TJP2: variants seen among roughly 807,000 people sequenced by gnomAD.
TJP2 encodes the protein tight junction protein 2, also known as Friedreich ataxia region gene X104 (tight junction protein ZO-2).
TJP2 carries 91 observed loss-of-function variants against 133.1 expected under a neutral mutation model. That is an observed-to-expected ratio of 0.68 (90% confidence interval 0.58 to 0.81). TJP2 has a LOEUF of 0.81. Ranked by LOEUF, TJP2 falls within the 40% of genes least tolerant of loss-of-function variation. TJP2 has a pLI of 0.00. For missense variants in TJP2, 1,541 were observed against 1,565.6 expected, an observed-to-expected ratio of 0.98 and a Z score of 0.26; for synonymous variants, 592 against 583.4, an observed-to-expected ratio of 1.01 and a Z score of -0.21.
intron 2 of TJP2, among the ~76,000 whole-genome samples, chr9:69,162,583 T>C (rs766426097): frequency 6.6e-6 from 1 of 152,244 alleles, no homozygotes; most frequent in Non-Finnish European, 1.5e-5. Flanking sequence ...TTATGGTATA[T>C]TCATACAAAT....
chr9:69,223,652 CA>C (rs1829094930), intron 5 of TJP2, among the ~76,000 whole-genome samples: 1 of 151,948 alleles, frequency 6.6e-6, no homozygotes, highest in Admixed American at 6.6e-5. Flanking sequence ...TGAAAAATGC[CA>C]GAGAGATGTT....
chr9:69,197,952 G>A (rs1826704846), intron 1 of TJP2, among the ~76,000 whole-genome samples: 1 of 152,126 alleles, frequency 6.6e-6, no homozygotes, highest in Admixed American at 6.5e-5. Context: ...CCTGTGAAAT[G>A]GGTGATGATG....
chr9:69,207,880 TG>T (rs1364170366), intron 1 of TJP2, among the ~76,000 whole-genome samples: 1 of 152,284 alleles, frequency 6.6e-6, no homozygotes, highest in Admixed American at 6.5e-5. Flanking sequence ...GATGATTATG[TG>T]GGGTGCTCTG....
At chr9:69,191,024 G>T (rs150389987) in intron 1 of TJP2, among the ~76,000 whole-genome samples, 1 of 152,192 alleles carries the variant, frequency 6.6e-6, no homozygotes, top group Admixed American at 6.5e-5. Context: ...GGGAATAGTA[G>T]ATCAGGATGC....
intron 7 of TJP2, 82 bp downstream of exon 7, chr9:69,226,257 C>A: frequency 6.7e-7 from 1 of 1,498,332 alleles, no homozygotes; most frequent in Non-Finnish European, 9.2e-7. Flanking sequence ...TGTAGCTATC[C>A]AGCTGGAAGT....
intron 1 of TJP2, among the ~76,000 whole-genome samples, chr9:69,186,077 G>A (rs1312950631): frequency 6.6e-6 from 1 of 152,002 alleles, no homozygotes; most frequent in Non-Finnish European, 1.5e-5. Context: ...CAATGTAGTG[G>A]TTTTAAGACA....
chr9:69,133,395 G>A (rs1472503302), intron 1 of TJP2, among the ~76,000 whole-genome samples: 3 of 152,134 alleles, frequency 2.0e-5, no homozygotes, highest in Admixed American at 6.5e-5. Flanking sequence ...TGTATTCTCC[G>A]GAAAGACTGG....
intron 21 of TJP2, 62 bp downstream of exon 21, chr9:69,251,426 A>G: frequency 6.6e-7 from 1 of 1,520,840 alleles, no homozygotes; most frequent in Non-Finnish European, 8.9e-7. Flanking sequence ...TTTCAACATA[A>G]CAGCGAACAG....
intron 1 of TJP2, among the ~76,000 whole-genome samples, chr9:69,210,299 C>A (rs952099): frequency 0.11 from 3,042 of 28,598 alleles, 177 homozygotes; most frequent in Admixed American, 0.14. Flanking sequence ...CCCCCCCCCC[C>A]AAAAAAAAAA....
chr9:69,226,318 G>A (rs1829346416), intron 7 of TJP2, 143 bp downstream of exon 7: 1 of 971,016 alleles, frequency 1.0e-6, no homozygotes, highest in Non-Finnish European at 1.5e-6. Flanking sequence ...AAGGTCACTG[G>A]TTGGTTGTTA....
At chr9:69,222,655 G>A (rs931961683) in intron 5 of TJP2, among the ~76,000 whole-genome samples, 1 of 152,158 alleles carries the variant, frequency 6.6e-6, no homozygotes, top group African/African-American at 2.4e-5. Flanking sequence ...CATTGGAAGA[G>A]CCAGGCTTCA....
chr9:69,180,526 A>G (rs953117088), intron 1 of TJP2, among the ~76,000 whole-genome samples: 1 of 152,098 alleles, frequency 6.6e-6, no homozygotes, highest in Admixed American at 6.6e-5. Context: ...TCCGAGTTCT[A>G]GGTTGTGTTT....
Position 69,207,402 on chromosome 9 carries a change from A to G in TJP2, c.61-5146A>G, listed in dbSNP as rs188221296. 3.9e-5 allele frequency among the ~76,000 whole-genome samples: 6 copies of G among 152,280 alleles called. No homozygotes were observed. In the East Asian group the frequency reaches 1.2e-3, roughly 29 times the overall value. ...CTATGTGACTGGTTTGTTCGTCTTC[A>G]TTGCAGTAAAACATTGTATTTTAAT... On this transcript the variant is annotated intron_variant, in intron 1 of 22. Transcript: ENST00000377245.
intron 22 of TJP2, chr9:69,253,175 T>C (rs183392299): frequency 1.6e-4 from 78 of 493,004 alleles, no homozygotes; most frequent in African/African-American, 1.3e-3. Context: ...TTATGTTACA[T>C]TGCACATGGT....
chr9:69,181,240 CTTTTTTTTTTTT>C lies in TJP2; in HGVS notation c.60+6823_60+6834del, dbSNP rs149100552. 7.0e-3 allele frequency among the ~76,000 whole-genome samples: 515 copies of C among 73,226 alleles called. 4 individuals are homozygous for C. Among genetic ancestry groups the C allele is most frequent in the African/African-American group, 0.027 (486 of 17,954 alleles). 48.0% of individuals were successfully genotyped at this position (73,226 alleles called of 152,430 possible). On this transcript the variant is annotated intron_variant, in intron 1 of 22. Coordinates refer to ENST00000377245, the MANE Select transcript of TJP2 (RefSeq NM_004817.4). Reference sequence around the variant, plus strand: ...GTCTTGTGACTCTAGTTTGCAATTTCTTTTTTTTTTTTTTTTTTTTTTTTTTGAGGTGGAGTC... The same window carrying C: ...GTCTTGTGACTCTAGTTTGCAATTTCTTTTTTTTTTTTTTGAGGTGGAGTC...
At chr9:69,122,981 C>T (rs901348111) in intron 1 of TJP2, among the ~76,000 whole-genome samples, 1 of 152,100 alleles carries the variant, frequency 6.6e-6, no homozygotes, top group Non-Finnish European at 1.5e-5. Context: ...ACGTGTCTTG[C>T]CACTTTAAGG....
chr9:69,247,165 A>G (rs142587525), intron 18 of TJP2, among the ~76,000 whole-genome samples: 241 of 152,360 alleles, frequency 1.6e-3, no homozygotes, highest in African/African-American at 5.4e-3. Context: ...ACGGCTAAAC[A>G]TTAATAAAAA....
intron 17 of TJP2, 186 bp from the exon 18 acceptor site, chr9:69,246,504 C>A: frequency 1.6e-6 from 1 of 629,240 alleles, no homozygotes. Context: ...ACTCAAACAG[C>A]TACATGATTA....
At chr9:69,234,587 T>TGGGGGGGGGGGGGG in intron 12 of TJP2, 40 bp downstream of exon 12, 1 of 283,052 alleles carries the variant, frequency 3.5e-6, no homozygotes, top group Non-Finnish European at 7.0e-6. Context: ...GGGGTGGGGG[T>TGGGGGGGGGGGGGG]GGGGAGTGGG....
Sources: allele counts gnomAD v4.1 joint callset (sites outside exome capture counted in the v4.1 genomes callset), GRCh38; gene constraint gnomAD v4.1.1; transcripts MANE v1.5; gene names NCBI Gene and HGNC (gene_info 2026-07-23, HGNC 2026-07-21).